TENM1: variants seen among roughly 807,000 people sequenced by gnomAD.
TENM1 encodes the protein teneurin transmembrane protein 1, also known as teneurin-1.
A neutral mutation model predicts 174.8 loss-of-function variants in TENM1; 35 were observed. The observed-to-expected ratio is 0.20, with a 90% confidence interval of 0.15 to 0.27. The LOEUF (loss-of-function observed/expected upper bound fraction) is 0.27. Among genes scored for constraint, TENM1 ranks in the 10% least tolerant of loss-of-function variants. TENM1 has a pLI of 1.00. For missense variants in TENM1, 1,633 were observed against 2,130.1 expected, an observed-to-expected ratio of 0.77 and a Z score of 4.59; for synonymous variants, 781 against 798.7, an observed-to-expected ratio of 0.98 and a Z score of 0.37.
At chrX:124,482,233 C>T (rs751567125) in intron 21 of TENM1, among the ~76,000 whole-genome samples, 1 of 110,622 alleles carries the variant, frequency 9.0e-6, no homozygotes, top group Admixed American at 9.7e-5. Flanking sequence ...GACAGGAAAT[C>T]TCAGGAGGTC....
At chrX:124,418,849 A>T (rs1029873895) in intron 25 of TENM1, among the ~76,000 whole-genome samples, 1 of 111,961 alleles carries the variant, frequency 8.9e-6, no homozygotes, top group Non-Finnish European at 1.9e-5. Context: ...AAAACTTCTC[A>T]TTAGAAATTT....
At chrX:124,575,862 A>C (rs140848404) in intron 11 of TENM1, among the ~76,000 whole-genome samples, 1,270 of 111,991 alleles carry the variant, frequency 0.011, 23 homozygotes, top group African/African-American at 0.038. Flanking sequence ...AAACTATTGA[A>C]GATGAGGTGA....
chrX:125,137,620 T>G, the TENM1 span, among the ~76,000 whole-genome samples: 1 of 111,228 alleles, frequency 9.0e-6, no homozygotes, highest in East Asian at 2.8e-4. Context: ...AACCTGATAA[T>G]CATCAAATGA....
chrX:124,857,686 T>C (rs967281607), intron 3 of TENM1, among the ~76,000 whole-genome samples: 2 of 110,213 alleles, frequency 1.8e-5, no homozygotes, highest in South Asian at 7.8e-4. Context: ...ACTCTGTAAA[T>C]ATAATAAAAA....
At chrX:125,060,293 A>G in the TENM1 span, among the ~76,000 whole-genome samples, 1 of 110,074 alleles carries the variant, frequency 9.1e-6, no homozygotes, top group Non-Finnish European at 1.9e-5. Context: ...TACTTTACAG[A>G]TCACCTAAGT....
intron 3 of TENM1, among the ~76,000 whole-genome samples, chrX:124,782,445 C>T (rs1040780511): frequency 1.8e-5 from 2 of 110,823 alleles, no homozygotes; most frequent in Admixed American, 9.6e-5. Context: ...TCTTACCCCC[C>T]TCCCATGACC....
At chrX:124,993,612 G>A in the TENM1 span, among the ~76,000 whole-genome samples, 1,455 of 110,552 alleles carry the variant, frequency 0.013, 37 homozygotes, top group African/African-American at 0.044. Flanking sequence ...AGGATGAGAG[G>A]AAGCTACTTC....
chrX:124,499,662 T>C (rs2047282507), intron 19 of TENM1, among the ~76,000 whole-genome samples: 1 of 111,999 alleles, frequency 8.9e-6, no homozygotes, highest in Non-Finnish European at 1.9e-5. Context: ...TCAAAAAACA[T>C]TTAATTGCAG....
chrX:124,896,140 C>G, exon 2 of TENM1: 1 of 1,211,358 alleles, frequency 8.3e-7, no homozygotes, highest in Non-Finnish European at 1.1e-6. Context: ...TCTGTGTCCA[C>G]ATCAGATCCC....
intron 11 of TENM1, among the ~76,000 whole-genome samples, chrX:124,595,416 G>A (rs1277112339): frequency 9.0e-6 from 1 of 111,437 alleles, no homozygotes; most frequent in East Asian, 2.8e-4. Context: ...GAGTAAAAAA[G>A]AAGAAAGGAA....
chrX:124,591,688 C>T (rs923633076), intron 11 of TENM1, among the ~76,000 whole-genome samples: 1 of 111,454 alleles, frequency 9.0e-6, no homozygotes, highest in South Asian at 3.8e-4. Context: ...GGATAGTCTG[C>T]GGACTACATG....
In TENM1 at chrX:124,543,511, C is replaced by T. The variant is rs994398954; in HGVS notation, c.2651+3363G>A. On this transcript the variant is annotated intron_variant, in intron 15 of 31. Coordinates refer to ENST00000422452, the Ensembl canonical transcript of TENM1. ...AAATGTCTGGCTTTGCAAATTACTG[C>T]TGTCATTTAGTTTAATGTACTCCTG... is the stretch of plus-strand genomic sequence containing the variant. Among the ~76,000 whole-genome samples, 4 of 111,887 alleles carry T rather than the reference C, an allele frequency of 3.6e-5. No individual in the cohort carries two copies. In the Admixed American group the frequency reaches 3.8e-4, roughly 11 times the overall value.
intron 18 of TENM1, among the ~76,000 whole-genome samples, chrX:124,517,401 T>C (rs764730055): frequency 1.4e-3 from 153 of 109,679 alleles, no homozygotes; most frequent in African/African-American, 4.3e-3. Context: ...AGCAAAGACT[T>C]GGAACCAACC....
At chrX:125,182,125 T>C in the TENM1 span, among the ~76,000 whole-genome samples, 1 of 110,316 alleles carries the variant, frequency 9.1e-6, no homozygotes, top group Non-Finnish European at 1.9e-5. Context: ...AAAGAATCAG[T>C]GTTCTTGACT....
At chrX:124,787,915 ATTGG>A (rs1036211083) in intron 3 of TENM1, among the ~76,000 whole-genome samples, 10 of 112,029 alleles carry the variant, frequency 8.9e-5, no homozygotes, top group Non-Finnish European at 1.9e-4. Flanking sequence ...AAAGCGGCTT[ATTGG>A]ACTTACAGTT....
intron 18 of TENM1, among the ~76,000 whole-genome samples, 200 bp from the exon 22 acceptor site, chrX:124,503,903 A>G (rs1359760379): frequency 8.9e-6 from 1 of 112,006 alleles, no homozygotes; most frequent in Non-Finnish European, 1.9e-5. Flanking sequence ...ATCAGGGCAT[A>G]TCGGATAAAT....
At chrX:124,521,955 G>C (rs1913907083) in intron 17 of TENM1, among the ~76,000 whole-genome samples, 1 of 111,665 alleles carries the variant, frequency 9.0e-6, no homozygotes, top group African/African-American at 3.3e-5. Context: ...CTCAGTTGGT[G>C]ACAGAAGTAC....
chrX:125,098,079 C>T, the TENM1 span, among the ~76,000 whole-genome samples: 2 of 111,350 alleles, frequency 1.8e-5, no homozygotes, highest in South Asian at 3.8e-4. Flanking sequence ...CTGGCTAACA[C>T]GGTGAAACCC....
In TENM1 at chrX:124,418,634, C is replaced by T. The variant is rs185793831; in HGVS notation, c.4982+1677G>A. Among the ~76,000 whole-genome samples the T allele has an allele frequency of 3.1e-3, 343 of 111,843 alleles. 2 individuals are homozygous for T. Among genetic ancestry groups the T allele is most frequent in the Non-Finnish European group, 5.1e-3 (272 of 53,178 alleles). On this transcript the variant is annotated intron_variant, in intron 25 of 31. Transcript: ENST00000422452. ...GTTTTATTCATAGCTATATCCCCAG[C>T]GCCTAGAACATTGTATGGTATGTAG...
Sources: gnomAD v4.1 joint callset for allele counts (sites outside exome capture counted in the v4.1 genomes callset) on GRCh38, gnomAD v4.1.1 for gene constraint, MANE v1.5 for transcripts, NCBI Gene and HGNC (gene_info 2026-07-23, HGNC 2026-07-21) for gene names.